Variants in ZC3H3 observed in about 807,000 individuals in gnomAD.
ZC3H3 encodes the protein zinc finger CCCH domain-containing protein 3.
ZC3H3 carries 36 observed loss-of-function variants against 77.3 expected under a neutral mutation model. The observed-to-expected ratio is 0.47, with a 90% CI of 0.36 to 0.61. The LOEUF (loss-of-function observed/expected upper bound fraction) is 0.61, where lower values mean the gene tolerates loss of function less well. ZC3H3 is among the 20% of genes least tolerant of loss of function. The probability of loss-of-function intolerance (pLI) is 0.00; values close to 1 mark genes in which losing one functional copy is unlikely to be tolerated. For synonymous variants in ZC3H3, 626 were observed against 555.2 expected, an observed-to-expected ratio of 1.13 and a Z score of -1.79; for missense variants, 1,331 against 1,312.2, an observed-to-expected ratio of 1.01 and a Z score of -0.22.
chr8:143,530,439 C>T lies in ZC3H3; in HGVS notation c.1561+5818G>A, dbSNP rs1212794436. On this transcript the variant is annotated intron_variant, in intron 3 of 11. Transcript: ENST00000262577. The surrounding 1 kb of genome is among the most constrained non-coding windows in gnomAD (Gnocchi z 4.3). ...CCCACCTACCATGACTTTTCCCTGGCGTAAAATAGCAGACGTTTCCATGTG... is the reference window on the plus strand; with the variant it reads ...CCCACCTACCATGACTTTTCCCTGGTGTAAAATAGCAGACGTTTCCATGTG... Among the ~76,000 whole-genome samples the T allele has an allele frequency of 6.6e-6, 1 of 152,152 alleles. No individual in the cohort carries two copies. The highest frequency in any genetic ancestry group is 1.9e-4 in the East Asian group (1 of 5,186).
At chr8:143,481,234 G>A (rs55881963) in intron 4 of ZC3H3, among the ~76,000 whole-genome samples, 3,995 of 152,284 alleles carry the variant, frequency 0.026, 170 homozygotes, top group African/African-American at 0.091. Flanking sequence ...TGCGACCAGC[G>A]GCTACACAAA....
intron 9 of ZC3H3, among the ~76,000 whole-genome samples, chr8:143,454,726 C>T (rs1374331304): frequency 6.6e-6 from 1 of 152,062 alleles, no homozygotes; most frequent in Non-Finnish European, 1.5e-5. Context: ...TTCATAAATG[C>T]TTAAGTGCAT....
At chr8:143,476,084 T>C (rs1820726022) in intron 4 of ZC3H3, among the ~76,000 whole-genome samples, 1 of 152,164 alleles carries the variant, frequency 6.6e-6, no homozygotes, top group Admixed American at 6.5e-5. Context: ...TGAGGCTCCC[T>C]TGAGTCGGCT....
At chr8:143,483,521 C>CCAAGCTGGGCCGGCAGGGAGGGGCG in intron 4 of ZC3H3, among the ~76,000 whole-genome samples, 1 of 152,242 alleles carries the variant, frequency 6.6e-6, no homozygotes, top group African/African-American at 2.4e-5. Flanking sequence ...TGGGAGGGGC[C>CCAAGCTGGGCCGGCAGGGAGGGGCG]CAAGCTGGGC....
intron 4 of ZC3H3, among the ~76,000 whole-genome samples, chr8:143,480,216 T>G (rs899018293): frequency 3.9e-5 from 6 of 152,112 alleles, no homozygotes; most frequent in African/African-American, 1.4e-4. Flanking sequence ...AGGTCTTGGT[T>G]TTCCTGAAAG....
At position 143,462,456 on chromosome 8, in the gene ZC3H3, AGCAAG is replaced by A. The variant is rs1314622178; in HGVS notation, c.2307+3256_2307+3260del. On this transcript the variant is annotated intron_variant, in intron 9 of 11. Coordinates refer to ENST00000262577, the MANE Select transcript of ZC3H3 (RefSeq NM_015117.3). The surrounding 1 kb of genome is among the most constrained non-coding windows in gnomAD (Gnocchi z 4.7). ...CCTAACAAAGGGCAGCACTGGCGAAAGCAAGGCACCAACAGAGAAGCGCTGTATGT... is the reference window on the plus strand; with the variant it reads ...CCTAACAAAGGGCAGCACTGGCGAAAGCACCAACAGAGAAGCGCTGTATGT... Among the ~76,000 whole-genome samples, 2 of 152,248 alleles carry A rather than the reference AGCAAG, an allele frequency of 1.3e-5. No individual in the cohort carries two copies. Among genetic ancestry groups the A allele is most frequent in the Non-Finnish European group, 2.9e-5 (2 of 68,036 alleles).
intron 3 of ZC3H3, 51 bp from the exon 4 acceptor site, chr8:143,507,950 G>A: frequency 6.6e-7 from 1 of 1,509,828 alleles, no homozygotes; most frequent in South Asian, 1.3e-5. Context: ...GCCGGCAAGG[G>A]TAGGGTCAGA....
At position 143,440,287 on chromosome 8, in the gene ZC3H3, G is replaced by A. The variant is rs36083358; in HGVS notation, c.2569C>T (p.Pro857Ser). 69,213 of 1,573,086 alleles carry A rather than the reference G, an allele frequency of 0.044. 1,853 individuals are homozygous for A. The highest frequency in any genetic ancestry group is 0.053 in the Non-Finnish European group (61,635 of 1,157,026). Residue 857 changes from proline to serine, a missense_variant, in exon 11 of 12, where the codon CCT becomes TCT. By Grantham distance (74) the Pro-to-Ser change is moderately conservative (BLOSUM62 -1). Coordinates refer to ENST00000262577, the MANE Select transcript of ZC3H3 (RefSeq NM_015117.3). ...AALTAAAVAA[P>S]PHCPGGSASP... The stretch of plus-strand genomic sequence containing the variant: ...GCTGACCCCCCTGGGCAGTGGGGAG[G>A]TGCAGCCACGGCAGCCGCAGTGAGG...
chr8:143,515,838 G>A (rs369625089), intron 3 of ZC3H3, among the ~76,000 whole-genome samples: 3 of 152,228 alleles, frequency 2.0e-5, no homozygotes, highest in Non-Finnish European at 2.9e-5. Flanking sequence ...TGGACACACC[G>A]GCCGCCTCTA....
At chr8:143,496,282 A>G (rs1288556261) in intron 4 of ZC3H3, among the ~76,000 whole-genome samples, 1 of 152,202 alleles carries the variant, frequency 6.6e-6, no homozygotes, top group Non-Finnish European at 1.5e-5. Context: ...CCTTAGCACC[A>G]CTGACACCTG....
At chr8:143,496,822 G>C (rs940339986) in intron 4 of ZC3H3, among the ~76,000 whole-genome samples, 4 of 152,252 alleles carry the variant, frequency 2.6e-5, no homozygotes, top group African/African-American at 9.6e-5. Context: ...CCACACCAGT[G>C]CTGCCATGGC....
chr8:143,496,736 C>A (rs1182723276), intron 4 of ZC3H3, among the ~76,000 whole-genome samples: 2 of 151,956 alleles, frequency 1.3e-5, no homozygotes, highest in East Asian at 1.9e-4. Context: ...CCCAAAGTAA[C>A]CTGCTCCGCA....
Position 143,460,023 on chromosome 8 carries a change from G to A in ZC3H3, c.2307+5694C>T, listed in dbSNP as rs1216373593. Among the ~76,000 whole-genome samples, 1 of 151,832 alleles carries A rather than the reference G, an allele frequency of 6.6e-6. No individual in the cohort carries two copies. The highest frequency in any genetic ancestry group is 1.5e-5 in the Non-Finnish European group (1 of 68,014). ...GCACTTTGGGAGGCCAAGGCAGGCG[G>A]ATCATCTGAGGTCACGAGTTTGAGA... On this transcript the variant is annotated intron_variant, in intron 9 of 11. Transcript: ENST00000262577. The surrounding 1 kb of genome is among the most constrained non-coding windows in gnomAD (Gnocchi z 4.0).
rs1420216822 is a variant in ZC3H3 at position 143,440,457 on chromosome 8, G to A, written c.2493-94C>T. On this transcript the variant is annotated intron_variant, in intron 10 of 11. Transcript: ENST00000262577. Reference sequence around the variant, plus strand: ...ATGCTCTTGGCTGCTTCCTGCTCCCGTGGCCCTCCGTGGTCTCAGGGCAGA... The same window carrying A: ...ATGCTCTTGGCTGCTTCCTGCTCCCATGGCCCTCCGTGGTCTCAGGGCAGA... The A allele has an allele frequency of 1.2e-5, 18 of 1,449,356 alleles. No homozygotes were observed. In the East Asian group the frequency reaches 1.4e-4, roughly 11 times the overall value. 89.8% of individuals were successfully genotyped at this position (1,449,356 alleles called of 1,614,324 possible). A position where few individuals can be genotyped will look rare whatever the true frequency, so the allele number is the denominator to read the frequency against.
intron 3 of ZC3H3, among the ~76,000 whole-genome samples, chr8:143,535,615 C>G (rs1263079461): frequency 1.3e-5 from 2 of 152,244 alleles, no homozygotes; most frequent in African/African-American, 4.8e-5. Flanking sequence ...GGCCGCTCCC[C>G]CAGTGTGTCC....
chr8:143,511,879 A>T (rs1317080621), intron 3 of ZC3H3, among the ~76,000 whole-genome samples: 1 of 152,200 alleles, frequency 6.6e-6, no homozygotes, highest in East Asian at 1.9e-4. Context: ...CCCCTTCCCC[A>T]AGCCTCCGCA....
At chr8:143,521,806 T>C (rs2130467569) in intron 3 of ZC3H3, among the ~76,000 whole-genome samples, 2 of 152,310 alleles carry the variant, frequency 1.3e-5, no homozygotes, top group Middle Eastern at 6.8e-3. Context: ...CATGCATCTT[T>C]CAGGGGTGCT....
chr8:143,507,212 C>T (rs969902478), intron 4 of ZC3H3, among the ~76,000 whole-genome samples: 1 of 152,186 alleles, frequency 6.6e-6, no homozygotes, highest in Admixed American at 6.5e-5. Context: ...TGTTCCCTGC[C>T]GACAGAGCCG....
intron 3 of ZC3H3, among the ~76,000 whole-genome samples, chr8:143,535,108 G>A (rs774418812): frequency 6.6e-6 from 1 of 151,968 alleles, no homozygotes; most frequent in South Asian, 2.1e-4. Flanking sequence ...GCAATGGAAC[G>A]ATCTCGGCTC....
Sources: gnomAD v4.1 joint callset for allele counts (sites outside exome capture counted in the v4.1 genomes callset) on GRCh38, gnomAD v4.1.1 for gene constraint, Gnocchi (gnomAD v3.1) non-coding constraint, MANE v1.5 for transcripts, NCBI Gene and HGNC (gene_info 2026-07-23, HGNC 2026-07-21) for gene names.